The following NALF1 variants were observed in gnomAD, a reference collection of about 807,000 sequenced individuals.
NALF1 encodes the protein family with sequence similarity 155 member A.
NALF1 carries 3 observed loss-of-function variants against 48.4 expected under a neutral mutation model. That is an observed-to-expected ratio of 0.06 (90% CI 0.03 to 0.16). NALF1 has a LOEUF of 0.16. Among genes scored for constraint, NALF1 ranks in the 10% least tolerant of loss-of-function variants. The probability of loss-of-function intolerance (pLI) is 1.00; values close to 1 mark genes in which losing one functional copy is unlikely to be tolerated. For synonymous variants in NALF1, 262 were observed against 245.7 expected (o/e 1.07, Z -0.62); for missense variants, 526 against 571.5 (o/e 0.92, Z 0.81).
At chr13:107,666,500 C>T (rs946951221) in intron 1 of NALF1, among the ~76,000 whole-genome samples, 1 of 152,108 alleles carries the variant, frequency 6.6e-6, no homozygotes, top group Non-Finnish European at 1.5e-5. Context: ...AATATAGGTG[C>T]CACCGTTTTG....
chr13:107,262,769 G>GCGCGCTCTCTCTCTCTCT (rs36027059), intron 1 of NALF1, among the ~76,000 whole-genome samples: 17 of 144,122 alleles, frequency 1.2e-4, no homozygotes, highest in African/African-American at 4.0e-4. Flanking sequence ...ACCCACAGGC[G>GCGCGCTCTCTCTCTCTCT]CTCTCTCTCT....
At chr13:107,374,397 T>C (rs12865442) in intron 1 of NALF1, among the ~76,000 whole-genome samples, 8,496 of 152,270 alleles carry the variant, frequency 0.056, 271 homozygotes, top group Non-Finnish European at 0.069. Context: ...TCCCATCCAA[T>C]AGGAGATCAA....
At chr13:107,430,352 C>T (rs1884356454) in intron 1 of NALF1, among the ~76,000 whole-genome samples, 1 of 151,772 alleles carries the variant, frequency 6.6e-6, no homozygotes, top group Non-Finnish European at 1.5e-5. Flanking sequence ...AGGTTTGTTA[C>T]ATATGTATAC....
At chr13:107,829,848 T>G (rs1879657872) in intron 1 of NALF1, among the ~76,000 whole-genome samples, 1 of 152,188 alleles carries the variant, frequency 6.6e-6, no homozygotes, top group African/African-American at 2.4e-5. Flanking sequence ...ATACGATTTT[T>G]TAAATTTCTC....
chr13:107,302,671 A>G (rs1030909409), intron 1 of NALF1, among the ~76,000 whole-genome samples: 7 of 152,258 alleles, frequency 4.6e-5, no homozygotes, highest in Admixed American at 2.0e-4. Context: ...AAATTAATAA[A>G]ATAAAATAAA....
intron 1 of NALF1, among the ~76,000 whole-genome samples, chr13:107,382,756 C>T (rs1209658731): frequency 6.6e-6 from 1 of 152,208 alleles, no homozygotes; most frequent in South Asian, 2.1e-4. Context: ...ATGCCCCCCA[C>T]TTAACCAATG....
chr13:107,382,106 C>T (rs1479391390), intron 1 of NALF1, among the ~76,000 whole-genome samples: 1 of 152,122 alleles, frequency 6.6e-6, no homozygotes, highest in African/African-American at 2.4e-5. Context: ...CTGAAAGTAC[C>T]CCCTCATTTC....
chr13:107,236,711 ATC>A (rs1417159871), intron 1 of NALF1, among the ~76,000 whole-genome samples: 3 of 149,646 alleles, frequency 2.0e-5, no homozygotes, highest in Admixed American at 1.3e-4. Flanking sequence ...CTATCTATCT[ATC>A]TATCTATCTA....
intron 1 of NALF1, among the ~76,000 whole-genome samples, chr13:107,439,206 T>A (rs1376585039): frequency 6.6e-6 from 1 of 152,162 alleles, no homozygotes; most frequent in South Asian, 2.1e-4. Context: ...ACAGAGAAAA[T>A]ATTTTTACCA....
chr13:107,333,650 G>A (rs1196034721), intron 1 of NALF1, among the ~76,000 whole-genome samples: 2 of 152,200 alleles, frequency 1.3e-5, no homozygotes, highest in African/African-American at 4.8e-5. Context: ...GAATTGGCTG[G>A]ATCTGGAAAA....
At chr13:107,459,583 C>A (rs538563493) in intron 1 of NALF1, among the ~76,000 whole-genome samples, 64 of 152,184 alleles carry the variant, frequency 4.2e-4, no homozygotes, top group African/African-American at 1.5e-3. Context: ...CATATTTTCT[C>A]TGACAGAGTT....
chr13:107,548,898 C>A (rs1164278256), intron 1 of NALF1, among the ~76,000 whole-genome samples: 1 of 151,746 alleles, frequency 6.6e-6, no homozygotes, highest in Non-Finnish European at 1.5e-5. Flanking sequence ...TTTTGGGAAT[C>A]CAAATATAAG....
At chr13:107,255,581 T>C (rs1880797191) in intron 1 of NALF1, among the ~76,000 whole-genome samples, 1 of 152,208 alleles carries the variant, frequency 6.6e-6, no homozygotes, top group African/African-American at 2.4e-5. Context: ...AAAGTCCATT[T>C]TGATATAAAC....
intron 1 of NALF1, among the ~76,000 whole-genome samples, chr13:107,458,392 C>G (rs544276471): frequency 6.6e-6 from 1 of 152,170 alleles, no homozygotes; most frequent in South Asian, 2.1e-4. Flanking sequence ...CCCACACAGG[C>G]GGAACAGTGT....
chr13:107,465,079 TTA>T (rs1884979499), intron 1 of NALF1, among the ~76,000 whole-genome samples: 2 of 152,098 alleles, frequency 1.3e-5, no homozygotes, highest in African/African-American at 4.8e-5. Context: ...CTTTTAACAT[TTA>T]TATGTTTAAT....
intron 1 of NALF1, among the ~76,000 whole-genome samples, chr13:107,231,463 T>C (rs1880223477): frequency 6.6e-6 from 1 of 152,180 alleles, no homozygotes; most frequent in Non-Finnish European, 1.5e-5. Flanking sequence ...TGTGAATAAT[T>C]GTAACTATTT....
In NALF1 at chr13:107,262,346, C is replaced by T. The variant is rs376004992; in HGVS notation, c.916-51591G>A. Among the ~76,000 whole-genome samples, 20 of 152,154 alleles carry T rather than the reference C, an allele frequency of 1.3e-4. 1 individual carries two copies. In the South Asian group the frequency reaches 2.9e-3, roughly 22 times the overall value. The stretch of plus-strand genomic sequence containing the variant: ...AGGAGGATCACTTGAACCCAGGAGG[C>T]GGAGGTTGCAGTGAGCTGAGATCAC... On this transcript the variant is annotated intron_variant, in intron 1 of 2. Coordinates refer to ENST00000375915, the MANE Select transcript of NALF1 (RefSeq NM_001080396.3).
intron 1 of NALF1, among the ~76,000 whole-genome samples, chr13:107,507,688 C>T: frequency 6.7e-6 from 1 of 150,080 alleles, no homozygotes; most frequent in South Asian, 2.1e-4. Context: ...AAAATCAGGC[C>T]TTTTGGTTCT....
At position 107,828,489 on chromosome 13, in the gene NALF1, CTTG is replaced by C. The variant is rs1363537887; in HGVS notation, c.915+37190_915+37192del. On this transcript the variant is annotated intron_variant, in intron 1 of 2. Coordinates refer to ENST00000375915, the MANE Select transcript of NALF1 (RefSeq NM_001080396.3). ...GTGCTTTTTGTAGTTGAGCCACTGA[CTTG>C]TTTTTTTTTTTTTTTCTTTCAAAGA... Among the ~76,000 whole-genome samples the C allele has an allele frequency of 8.8e-4, 59 of 67,144 alleles. 1 individual carries two copies. The highest frequency in any genetic ancestry group is 2.3e-3 in the African/African-American group (55 of 23,630). The allele number at this position is 67,144 out of a possible 152,430, so 44.0% of individuals were successfully genotyped here.
Sources: gnomAD v4.1 joint callset for allele counts (sites outside exome capture counted in the v4.1 genomes callset) on GRCh38, gnomAD v4.1.1 for gene constraint, MANE v1.5 for transcripts, NCBI Gene and HGNC (gene_info 2026-07-23, HGNC 2026-07-21) for gene names.